The following RNF217 variants were observed in gnomAD, a reference collection of about 807,000 sequenced individuals.
The protein encoded by RNF217 is E3 ubiquitin-protein ligase RNF217.
In RNF217, 31 loss-of-function variants were observed where a neutral mutation model predicts 57.8. The ratio of observed to expected loss-of-function variants is 0.54; its 90% confidence interval spans 0.40 to 0.72. RNF217 has a LOEUF of 0.72. Among genes scored for constraint, RNF217 ranks in the 30% least tolerant of loss-of-function variants. The pLI, the probability that RNF217 is intolerant of heterozygous loss-of-function variation, is 0.00. For missense variants in RNF217, 696 were observed against 708.3 expected (o/e 0.98, Z 0.20); for synonymous variants, 313 against 294.0 (o/e 1.06, Z -0.66).
At chr6:124,975,683 C>T (rs978446150) in intron 1 of RNF217, among the ~76,000 whole-genome samples, 2 of 151,956 alleles carry the variant, frequency 1.3e-5, no homozygotes, top group Non-Finnish European at 2.9e-5. Context: ...GCGATCTAAC[C>T]ACCTGGGCCT....
At chr6:125,072,680 A>T (rs940893065) in intron 3 of RNF217, among the ~76,000 whole-genome samples, 3 of 152,194 alleles carry the variant, frequency 2.0e-5, no homozygotes, top group Non-Finnish European at 4.4e-5. Context: ...TGTCAGGAAA[A>T]GTGATGCCAT....
rs1788955604 is a variant in RNF217, at chr6:125,091,648, GT to G, written c.*8715del. 5 of 121,244 alleles carry G rather than the reference GT, an allele frequency of 4.1e-5. No individual in the cohort carries two copies. Among genetic ancestry groups the G allele is most frequent in the Admixed American group, 7.7e-5 (1 of 12,994 alleles). The allele number at this position is 121,244 out of a possible 1,614,324, so 7.5% of individuals were successfully genotyped here. A position where few individuals can be genotyped will look rare whatever the true frequency, so the allele number is the denominator to read the frequency against. On this transcript the variant is annotated 3_prime_UTR_variant, in exon 6 of 6. Transcript: ENST00000521654. Reference sequence around the variant, plus strand: ...AGAACAGGAGTTGAAATGACTCTCAGTTTTATCTATAGCTCCAATTAGGACA... The same window carrying G: ...AGAACAGGAGTTGAAATGACTCTCAGTTTATCTATAGCTCCAATTAGGACA...
intron 1 of RNF217, among the ~76,000 whole-genome samples, chr6:125,044,084 G>A (rs1228453178): frequency 6.6e-6 from 1 of 151,628 alleles, no homozygotes; most frequent in African/African-American, 2.4e-5. Context: ...GCTTTTTGTA[G>A]TGATGTTTTT....
intron 1 of RNF217, among the ~76,000 whole-genome samples, chr6:124,988,561 A>G (rs1000204787): frequency 3.0e-4 from 45 of 152,362 alleles, no homozygotes; most frequent in African/African-American, 8.4e-4. Context: ...GTGAATAACC[A>G]CAACCGTTAA....
At chr6:124,976,227 C>T (rs952061042) in intron 1 of RNF217, among the ~76,000 whole-genome samples, 2 of 151,798 alleles carry the variant, frequency 1.3e-5, no homozygotes, top group Non-Finnish European at 2.9e-5. Flanking sequence ...CATGTATTAC[C>T]GGCGTAGTTT....
At chr6:125,026,994 TA>T (rs1369334730) in intron 1 of RNF217, among the ~76,000 whole-genome samples, 3 of 152,012 alleles carry the variant, frequency 2.0e-5, no homozygotes, top group Admixed American at 1.3e-4. Context: ...CATTCTTTTT[TA>T]AATTTTTTAA....
In RNF217 at chr6:124,962,715, C is replaced by G. The variant is rs1418160755; in HGVS notation, c.171C>G (p.Ser57Arg). The change falls in exon 1 of 6, where the codon AGC becomes AGG. Residue 57 changes from serine (S) to arginine (R), a missense_variant. Transcript: ENST00000521654. The surrounding 1 kb of genome is among the most constrained non-coding windows in gnomAD (Gnocchi z 4.6). Reference protein sequence around the residue: ...SAEPSGGGCGSDWGCADTSAP... With the variant: ...SAEPSGGGCGRDWGCADTSAP... The stretch of plus-strand genomic sequence containing the variant: ...AGCCGAGCGGCGGTGGCTGCGGAAG[C>G]GACTGGGGCTGCGCGGACACCAGCG... The G allele has an allele frequency of 1.4e-6, 2 of 1,480,116 alleles. No homozygotes were observed. Among genetic ancestry groups the G allele is most frequent in the African/African-American group, 1.5e-5 (1 of 68,522 alleles). The allele number at this position is 1,480,116 out of a possible 1,614,324, so 91.7% of individuals were successfully genotyped here.
rs753343912 is a variant in RNF217 at position 124,963,092 on chromosome 6, C to T, written c.548C>T (p.Ser183Leu). 1.2e-5 allele frequency: 18 copies of T among 1,544,666 alleles called. No homozygotes were observed. Among genetic ancestry groups the T allele is most frequent in the Non-Finnish European group, 1.6e-5 (18 of 1,152,462 alleles). Reference sequence around the variant, plus strand: ...GAGGCCCCCGCCTCGGAGCAGCTCTCGCCGCCCGCGTCGCCACCTGGGGCT... The same window carrying T: ...GAGGCCCCCGCCTCGGAGCAGCTCTTGCCGCCCGCGTCGCCACCTGGGGCT... The part of the protein sequence containing the change: ...LPEAPASEQL[S>L]PPASPPGAPP... The change falls in exon 1 of 6, where the codon TCG (serine) becomes TTG (leucine). Residue 183 changes from serine to leucine, a missense_variant. Ser to Leu is a moderately radical substitution (Grantham distance 145). Around this residue, in one of 2 missense-constraint regions of RNF217, gnomAD observed 465 missense variants for 386.8 expected, o/e 1.20. Transcript: ENST00000521654.
chr6:125,031,765 A>C (rs2114471506), intron 1 of RNF217, among the ~76,000 whole-genome samples: 1 of 152,228 alleles, frequency 6.6e-6, no homozygotes, highest in African/African-American at 2.4e-5. Flanking sequence ...GAGCCCTCCA[A>C]GCTGTTCCAA....
At chr6:125,063,060 G>A (rs1424782206) in intron 3 of RNF217, among the ~76,000 whole-genome samples, 1 of 152,096 alleles carries the variant, frequency 6.6e-6, no homozygotes, top group Non-Finnish European at 1.5e-5. Context: ...ACAAAACCAA[G>A]TCTAGTTCGT....
chr6:124,980,115 C>T (rs542450706), intron 1 of RNF217, among the ~76,000 whole-genome samples: 27 of 152,208 alleles, frequency 1.8e-4, no homozygotes, highest in African/African-American at 5.1e-4. Context: ...TTACCCATCT[C>T]GAAGGGATTT....
intron 4 of RNF217, among the ~76,000 whole-genome samples, 165 bp downstream of exon 4, chr6:125,077,023 G>A (rs1372386210): frequency 1.3e-5 from 2 of 152,126 alleles, no homozygotes; most frequent in Non-Finnish European, 2.9e-5. Context: ...CTTAAATTTT[G>A]TTACCAGGAC....
At chr6:125,041,269 A>G (rs1472138376) in intron 1 of RNF217, among the ~76,000 whole-genome samples, 1 of 152,048 alleles carries the variant, frequency 6.6e-6, no homozygotes. Flanking sequence ...CCTCTCAGTC[A>G]TCTATCATCT....
At chr6:124,994,796 G>T (rs1238814466) in intron 1 of RNF217, among the ~76,000 whole-genome samples, 1 of 152,088 alleles carries the variant, frequency 6.6e-6, no homozygotes, top group Admixed American at 6.6e-5. Flanking sequence ...AATTATACTT[G>T]AAAAACTGTA....
At chr6:125,046,458 A>G (rs916263373) in intron 2 of RNF217, 1 of 390,250 alleles carries the variant, frequency 2.6e-6, no homozygotes, top group African/African-American at 2.1e-5. Context: ...CTTCCATGAC[A>G]CACCAGTGCC....
rs141840677 is a variant in RNF217 at position 124,968,463 on chromosome 6, C to T, written c.882+5037C>T. 2.3e-3 allele frequency among the ~76,000 whole-genome samples: 353 copies of T among 151,790 alleles called. 2 individuals carry two copies. Among genetic ancestry groups the T allele is most frequent in the African/African-American group, 8.0e-3 (333 of 41,372 alleles). On this transcript the variant is annotated intron_variant, in intron 1 of 5. Coordinates refer to ENST00000521654, the MANE Select transcript of RNF217 (RefSeq NM_001286398.3). ...TTAATAATTTTTCTTTTTTCTTTTC[C>T]TTGTTCTTTTACTTTTTGAAATCTG...
chr6:124,973,510 A>G (rs1391759669), intron 1 of RNF217, among the ~76,000 whole-genome samples: 1 of 152,226 alleles, frequency 6.6e-6, no homozygotes, highest in East Asian at 1.9e-4. Flanking sequence ...CCCAGAAGAG[A>G]ATAGGTGCTC....
chr6:124,984,192 T>G (rs1326250900), intron 1 of RNF217, among the ~76,000 whole-genome samples: 2 of 152,156 alleles, frequency 1.3e-5, no homozygotes, highest in Admixed American at 6.5e-5. Context: ...AGAAAAGTGC[T>G]AATAATGAGA....
chr6:125,062,374 G>T (rs1787768524), intron 3 of RNF217, among the ~76,000 whole-genome samples: 1 of 151,946 alleles, frequency 6.6e-6, no homozygotes, highest in Admixed American at 6.6e-5. Context: ...ATTTTGGCAG[G>T]TAATCAGGAT....
Sources: allele counts gnomAD v4.1 joint callset (sites outside exome capture counted in the v4.1 genomes callset), GRCh38; gene constraint gnomAD v4.1.1; regional missense constraint gnomAD v4.1.1; non-coding constraint Gnocchi (gnomAD v3.1); transcripts MANE v1.5; gene names NCBI Gene and HGNC (gene_info 2026-07-23, HGNC 2026-07-21).